Variants in MYO5A observed in about 807,000 individuals in gnomAD.
The protein encoded by MYO5A is myosin VA.
In MYO5A, 98 loss-of-function variants were observed where a neutral mutation model predicts 249.7. The ratio of observed to expected loss-of-function variants is 0.39; its 90% CI spans 0.33 to 0.46. MYO5A has a LOEUF of 0.46. Among genes scored for constraint, MYO5A ranks in the 20% least tolerant of loss-of-function variants. The pLI is 0.98. For synonymous variants in MYO5A, 778 were observed against 810.6 expected, an observed-to-expected ratio of 0.96 and a Z score of 0.68; for missense variants, 1,696 against 2,308.8, an observed-to-expected ratio of 0.73 and a Z score of 5.44.
chr15:52,328,155 G>A, intron 35 of MYO5A, 149 bp from the exon 36 acceptor site: 2 of 665,098 alleles, frequency 3.0e-6, no homozygotes, highest in Non-Finnish European at 5.0e-6. Context: ...AGCTCTTTAA[G>A]TAGAAAAATT....
chr15:52,318,456 CAAAAAAAA>C (rs35901511), intron 39 of MYO5A, among the ~76,000 whole-genome samples: 48 of 87,518 alleles, frequency 5.5e-4, no homozygotes, highest in African/African-American at 1.7e-3. Flanking sequence ...AACTCCATCT[CAAAAAAAA>C]AAAAAAAAAA....
chr15:52,527,051 T>C (rs1171901983), intron 1 of MYO5A, among the ~76,000 whole-genome samples: 47 of 151,966 alleles, frequency 3.1e-4, no homozygotes, highest in Non-Finnish European at 1.5e-5. Context: ...CAACAACCCA[T>C]GTTTTAAGAA....
chr15:52,396,519 T>C (rs1235651498), intron 10 of MYO5A, 122 bp from the exon 11 acceptor site: 1 of 650,204 alleles, frequency 1.5e-6, no homozygotes, highest in Non-Finnish European at 2.7e-6. Context: ...AAAACTTTCT[T>C]TCCATATCAG....
chr15:52,335,750 C>T (rs2039090154), intron 34 of MYO5A, among the ~76,000 whole-genome samples: 1 of 151,924 alleles, frequency 6.6e-6, no homozygotes, highest in Non-Finnish European at 1.5e-5. Context: ...TCTTTATCAT[C>T]ATAATTCATA....
At chr15:52,316,713 A>G (rs2038034302) in intron 40 of MYO5A, among the ~76,000 whole-genome samples, 1 of 152,250 alleles carries the variant, frequency 6.6e-6, no homozygotes, top group Non-Finnish European at 1.5e-5. Context: ...AAGCTATTTT[A>G]TGGAATATAA....
chr15:52,440,217 T>C (rs1437671171), intron 1 of MYO5A, among the ~76,000 whole-genome samples: 4 of 151,942 alleles, frequency 2.6e-5, no homozygotes, highest in Non-Finnish European at 5.9e-5. Flanking sequence ...CCTTGGGGGT[T>C]ACACCCAGCC....
Position 52,327,912 on chromosome 15 carries a change from A to G in MYO5A, c.4650T>C (p.Asp1550=). Residue 1550 remains aspartate, a synonymous_variant, in exon 36 of 42, where the codon GAT becomes GAC. Coordinates refer to ENST00000399233, the MANE Select transcript of MYO5A (RefSeq NM_001382347.1). ...TTAGCAACGACCTTACTTTCTGATC[A>G]TCATTCAGGTAGTCAGCATGTCGAA... is the stretch of plus-strand genomic sequence containing the variant. ...MCVRHADYLN[D]DQKVRSLLTS... The G allele has an allele frequency of 6.2e-7, 1 of 1,613,788 alleles. No individual in the cohort carries two copies. The highest frequency in any genetic ancestry group is 2.2e-5 in the East Asian group (1 of 44,874).
chr15:52,521,694 C>T (rs1043913154), intron 1 of MYO5A, among the ~76,000 whole-genome samples: 1 of 152,152 alleles, frequency 6.6e-6, no homozygotes, highest in Non-Finnish European at 1.5e-5. Context: ...AAAGCCTTTG[C>T]TGTACAAGGA....
At chr15:52,432,099 C>A (rs985342336) in intron 2 of MYO5A, among the ~76,000 whole-genome samples, 2 of 151,294 alleles carry the variant, frequency 1.3e-5, no homozygotes, top group African/African-American at 4.9e-5. Flanking sequence ...TACCCATGAG[C>A]CCATAATAAA....
chr15:52,459,583 A>C (rs144730878), intron 1 of MYO5A, among the ~76,000 whole-genome samples: 4,523 of 152,300 alleles, frequency 0.03, 246 homozygotes, highest in African/African-American at 0.1. Flanking sequence ...ACACAGACAC[A>C]ATAACAATCT....
chr15:52,507,526 G>A (rs2077297884), intron 1 of MYO5A, among the ~76,000 whole-genome samples: 1 of 152,090 alleles, frequency 6.6e-6, no homozygotes, highest in Admixed American at 6.6e-5. Context: ...AGCTTTAAGA[G>A]TGTGATAAGG....
intron 1 of MYO5A, among the ~76,000 whole-genome samples, chr15:52,512,884 T>G (rs2077420542): frequency 6.6e-6 from 1 of 151,996 alleles, no homozygotes; most frequent in Non-Finnish European, 1.5e-5. Flanking sequence ...TCCCAGCACT[T>G]TGGGAGGCCG....
chr15:52,316,995 AG>A (rs1485606726), intron 40 of MYO5A, 52 bp downstream of exon 40: 1 of 1,570,800 alleles, frequency 6.4e-7, no homozygotes, highest in African/African-American at 1.4e-5. Context: ...ACTTCCCTAA[AG>A]ATCATCTTTG....
chr15:52,494,522 T>C (rs1280700715), intron 1 of MYO5A, among the ~76,000 whole-genome samples: 1 of 152,210 alleles, frequency 6.6e-6, no homozygotes, highest in African/African-American at 2.4e-5. Context: ...TAATGGAGTT[T>C]TGCTCTATCG....
chr15:52,437,831 C>T (rs533071746), intron 1 of MYO5A, among the ~76,000 whole-genome samples: 2 of 152,206 alleles, frequency 1.3e-5, no homozygotes, highest in African/African-American at 2.4e-5. Context: ...AGATACTTTG[C>T]CAAAGACCAG....
At chr15:52,511,341 G>C (rs942589508) in intron 1 of MYO5A, among the ~76,000 whole-genome samples, 1 of 152,208 alleles carries the variant, frequency 6.6e-6, no homozygotes, top group African/African-American at 2.4e-5. Context: ...CTCCTTTTCA[G>C]ATCTTTCCAG....
chr15:52,343,012 A>T, intron 31 of MYO5A, 105 bp downstream of exon 31: 1 of 905,544 alleles, frequency 1.1e-6, no homozygotes, highest in Non-Finnish European at 1.8e-6. Context: ...TTTACCCAAG[A>T]AGACAATCAA....
intron 1 of MYO5A, among the ~76,000 whole-genome samples, chr15:52,455,473 A>C (rs2076099343): frequency 6.6e-6 from 1 of 152,050 alleles, no homozygotes; most frequent in Non-Finnish European, 1.5e-5. Context: ...GCCCAGCTTT[A>C]CCTGATACCA....
intron 1 of MYO5A, among the ~76,000 whole-genome samples, chr15:52,515,567 C>T (rs943071380): frequency 2.6e-5 from 4 of 152,238 alleles, no homozygotes; most frequent in Middle Eastern, 3.4e-3. Flanking sequence ...TCATAACAAC[C>T]CTATGAAGTA....
Sources: allele counts gnomAD v4.1 joint callset (sites outside exome capture counted in the v4.1 genomes callset), GRCh38; gene constraint gnomAD v4.1.1; transcripts MANE v1.5; gene names NCBI Gene and HGNC (gene_info 2026-07-23, HGNC 2026-07-21).